RBFOX1: variants seen among roughly 807,000 people sequenced by gnomAD.
RBFOX1 encodes RNA binding fox-1 homolog 1.
RBFOX1 carries 8 observed loss-of-function variants against 57.7 expected under a neutral mutation model. The observed-to-expected ratio is 0.14, with a 90% CI of 0.08 to 0.25. The LOEUF (loss-of-function observed/expected upper bound fraction) is 0.25. Among genes scored for constraint, RBFOX1 ranks in the 10% least tolerant of loss-of-function variants. The probability of loss-of-function intolerance (pLI) is 1.00; values close to 1 mark genes in which losing one functional copy is unlikely to be tolerated. For synonymous variants in RBFOX1, 326 were observed against 222.4 expected (o/e 1.47, Z -4.15); for missense variants, 611 against 548.5 (o/e 1.11, Z -1.14).
intron 14 of RBFOX1, among the ~76,000 whole-genome samples, chr16:7,677,132 T>TACACACACAC (rs59379802): frequency 0.11 from 15,541 of 137,850 alleles, 1,252 homozygotes; most frequent in East Asian, 0.29. Context: ...CACATACACA[T>TACACACACAC]ACACACACAC....
chr16:7,672,823 C>T (rs1374190257), intron 13 of RBFOX1, among the ~76,000 whole-genome samples: 5 of 113,454 alleles, frequency 4.4e-5, no homozygotes, highest in Admixed American at 1.4e-4. Context: ...GCCGAGATTG[C>T]GCCATTGTAC....
At chr16:7,159,525 G>T (rs750772170) in intron 4 of RBFOX1, among the ~76,000 whole-genome samples, 8 of 152,146 alleles carry the variant, frequency 5.3e-5, no homozygotes, top group Admixed American at 1.3e-4. Flanking sequence ...CATGCGCTAG[G>T]ACTATAGCTT....
intron 3 of RBFOX1, among the ~76,000 whole-genome samples, chr16:6,924,363 C>T (rs1005221910): frequency 6.6e-6 from 1 of 151,822 alleles, no homozygotes; most frequent in African/African-American, 2.4e-5. Flanking sequence ...GAGGAACACG[C>T]AAGAGAGAGG....
chr16:7,112,182 A>G (rs529579936), intron 4 of RBFOX1, among the ~76,000 whole-genome samples: 76 of 152,276 alleles, frequency 5.0e-4, no homozygotes, highest in African/African-American at 1.2e-3. Flanking sequence ...TTGTTTTTCT[A>G]TGTCATCCAT....
intron 3 of RBFOX1, among the ~76,000 whole-genome samples, chr16:5,833,925 G>T (rs2056367909): frequency 1.3e-5 from 2 of 152,262 alleles, no homozygotes; most frequent in Non-Finnish European, 2.9e-5. Flanking sequence ...GGTGGAAGAG[G>T]ATGACACTTT....
chr16:5,878,479 C>T lies in RBFOX1; in HGVS notation c.351+11144C>T, dbSNP rs78002644. ...GGCAAAGTTGGTATTTGATTCTATG[C>T]AATTTGCCTTCTGAACCAGCGGTCC... is the stretch of plus-strand genomic sequence containing the variant. On this transcript the variant is annotated intron_variant, in intron 4 of 19. Transcript: ENST00000641259. 1.8e-3 allele frequency among the ~76,000 whole-genome samples: 279 copies of T among 152,302 alleles called. 1 individual carries two copies. Among genetic ancestry groups the T allele is most frequent in the African/African-American group, 6.4e-3 (265 of 41,566 alleles).
intron 1 of RBFOX1, among the ~76,000 whole-genome samples, chr16:6,220,171 T>G (rs1261797841): frequency 1.3e-5 from 2 of 152,214 alleles, no homozygotes; most frequent in African/African-American, 2.4e-5. Context: ...TGTGTATATA[T>G]ATACATCTCT....
intron 2 of RBFOX1, among the ~76,000 whole-genome samples, chr16:6,498,884 A>C (rs1160883185): frequency 1.3e-5 from 2 of 152,186 alleles, no homozygotes; most frequent in African/African-American, 2.4e-5. Context: ...TCCCTCAACT[A>C]AAATACTGAC....
At chr16:5,734,700 C>G (rs565654685) in intron 3 of RBFOX1, among the ~76,000 whole-genome samples, 31 of 152,278 alleles carry the variant, frequency 2.0e-4, no homozygotes, top group African/African-American at 7.5e-4. Context: ...TGGGCAGCAG[C>G]TCTCAGATGA....
intron 3 of RBFOX1, among the ~76,000 whole-genome samples, chr16:6,905,943 T>C (rs1477496791): frequency 6.6e-6 from 1 of 152,172 alleles, no homozygotes; most frequent in Non-Finnish European, 1.5e-5. Flanking sequence ...CCCTTGTGTT[T>C]CCAAGGTGAG....
intron 2 of RBFOX1, among the ~76,000 whole-genome samples, chr16:6,331,779 A>C (rs1330524162): frequency 6.6e-6 from 1 of 151,156 alleles, no homozygotes; most frequent in African/African-American, 2.4e-5. Flanking sequence ...TTTAAAAAAA[A>C]AAATTGTATT....
chr16:5,922,184 C>T (rs2058838626), intron 4 of RBFOX1, among the ~76,000 whole-genome samples: 1 of 151,960 alleles, frequency 6.6e-6, no homozygotes, highest in African/African-American at 2.4e-5. Flanking sequence ...ACCCCCAAAC[C>T]CTAGCTCTCT....
At chr16:7,221,190 ACAG>A (rs1450470887) in intron 4 of RBFOX1, among the ~76,000 whole-genome samples, 2 of 152,202 alleles carry the variant, frequency 1.3e-5, no homozygotes, top group East Asian at 3.9e-4. Context: ...GTGAATTAAA[ACAG>A]CTGCCTTGTA....
intron 3 of RBFOX1, among the ~76,000 whole-genome samples, chr16:6,797,012 T>C (rs767357201): frequency 1.3e-5 from 2 of 152,158 alleles, no homozygotes; most frequent in Non-Finnish European, 2.9e-5. Flanking sequence ...GCAGTCTAAA[T>C]GTCAAGATTT....
At chr16:7,134,458 C>G (rs562385737) in intron 4 of RBFOX1, among the ~76,000 whole-genome samples, 32 of 152,274 alleles carry the variant, frequency 2.1e-4, no homozygotes, top group Admixed American at 6.5e-4. Flanking sequence ...TGTTTTCATG[C>G]ATTTTCCAGT....
At chr16:6,849,640 G>A (rs1284927096) in intron 3 of RBFOX1, among the ~76,000 whole-genome samples, 1 of 152,148 alleles carries the variant, frequency 6.6e-6, no homozygotes, top group Non-Finnish European at 1.5e-5. Context: ...CTGTACTGCA[G>A]CCTGGGCAAG....
chr16:7,608,073 C>T (rs1016649903), intron 10 of RBFOX1, among the ~76,000 whole-genome samples: 1 of 152,204 alleles, frequency 6.6e-6, no homozygotes, highest in African/African-American at 2.4e-5. Flanking sequence ...AACAAGGCTG[C>T]ATTGAATACC....
intron 2 of RBFOX1, among the ~76,000 whole-genome samples, chr16:6,474,668 G>T (rs1008174907): frequency 6.6e-6 from 1 of 152,100 alleles, no homozygotes; most frequent in African/African-American, 2.4e-5. Context: ...CCAGGGAAAC[G>T]GTTATTGAAA....
chr16:7,511,507 A>T (rs2075076941), intron 4 of RBFOX1, among the ~76,000 whole-genome samples: 1 of 152,214 alleles, frequency 6.6e-6, no homozygotes, highest in African/African-American at 2.4e-5. Flanking sequence ...CTCTTATTGC[A>T]TGCATACAAG....
Sources: gnomAD v4.1 joint callset for allele counts (sites outside exome capture counted in the v4.1 genomes callset) on GRCh38, gnomAD v4.1.1 for gene constraint, MANE v1.5 for transcripts, NCBI Gene and HGNC (gene_info 2026-07-23, HGNC 2026-07-21) for gene names.